Variants in GRM1 observed in about 807,000 individuals in gnomAD.
The protein encoded by GRM1 is metabotropic glutamate receptor 1.
A neutral mutation model predicts 90.9 loss-of-function variants in GRM1; 33 were observed. The observed-to-expected ratio is 0.36, with a 90% CI of 0.28 to 0.49. The LOEUF is 0.49. Ranked by LOEUF, GRM1 falls within the 20% of genes least tolerant of loss-of-function variation. GRM1 has a pLI of 0.99. For missense variants in GRM1, 1,190 were observed against 1,534.3 expected, an observed-to-expected ratio of 0.78 and a Z score of 3.75; for synonymous variants, 700 against 613.2, an observed-to-expected ratio of 1.14 and a Z score of -2.09.
chr6:146,044,668 A>G (rs999587011), intron 1 of GRM1, among the ~76,000 whole-genome samples: 18 of 152,146 alleles, frequency 1.2e-4, no homozygotes, highest in African/African-American at 4.3e-4. Context: ...TGAAACCATG[A>G]AAAGGCAAAT....
intron 2 of GRM1, among the ~76,000 whole-genome samples, chr6:146,275,605 CTT>C (rs1426641752): frequency 6.6e-6 from 1 of 151,970 alleles, no homozygotes; most frequent in Non-Finnish European, 1.5e-5. Flanking sequence ...ATAAGTTTAT[CTT>C]TAGCTCTAGC....
intron 2 of GRM1, among the ~76,000 whole-genome samples, chr6:146,270,456 T>A (rs569439275): frequency 6.6e-6 from 1 of 152,322 alleles, no homozygotes; most frequent in South Asian, 2.1e-4. Flanking sequence ...TGCTTTCAAG[T>A]GATTTTTTTC....
rs762664865 is a variant in GRM1, at chr6:146,399,400, C to A, written c.2361C>A (p.Ile787=). The A allele has an allele frequency of 1.2e-6, 2 of 1,614,160 alleles. No homozygotes were observed. The highest frequency in any genetic ancestry group is 2.7e-5 in the African/African-American group (2 of 75,036). The change falls in exon 7 of 8, where the codon ATC becomes ATA. Residue 787 remains isoleucine (I), a synonymous_variant. Coordinates refer to ENST00000282753, the MANE Select transcript of GRM1 (RefSeq NM_001278064.2). The surrounding 1 kb of genome is among the most constrained non-coding windows in gnomAD (Gnocchi z 5.4). ...CCAACTTCAACGAGGCCAAATATAT[C>A]GCGTTCACCATGTACACCACCTGTA... ...VPANFNEAKY[I]AFTMYTTCII...
intron 1 of GRM1, among the ~76,000 whole-genome samples, chr6:146,104,460 A>G (rs1159568256): frequency 1.3e-5 from 2 of 150,058 alleles, no homozygotes; most frequent in African/African-American, 5.1e-5. Context: ...AAAAAAAAAG[A>G]AAGAAGGAAT....
rs893826978 is a variant in GRM1, at chr6:146,309,267, C to T, written c.1186+4421C>T. Among the ~76,000 whole-genome samples the T allele has an allele frequency of 7.9e-5, 12 of 151,752 alleles. No individual in the cohort carries two copies. The East Asian group carries it at 2.1e-3, about 27-fold the overall frequency. On this transcript the variant is annotated intron_variant, in intron 3 of 7. Coordinates refer to ENST00000282753, the MANE Select transcript of GRM1 (RefSeq NM_001278064.2). ...TACAAAAATTAGTTGGGCTTGGTGGCGGGTGCCTATAATCCTAGCTACTCG... is the reference window on the plus strand; with the variant it reads ...TACAAAAATTAGTTGGGCTTGGTGGTGGGTGCCTATAATCCTAGCTACTCG...
Position 146,434,456 on chromosome 6 carries a change from T to G in GRM1, c.3245T>G (p.Leu1082Arg). Residue 1082 changes from leucine (L) to arginine (R), a missense_variant, in exon 8 of 8, where the codon CTG (leucine) becomes CGG (arginine). Leu to Arg is a moderately radical substitution (Grantham distance 102). Coordinates refer to ENST00000282753, the MANE Select transcript of GRM1 (RefSeq NM_001278064.2). ...CACCTGCAGATGCTGCCGCTGCAGC[T>G]GAGCACCTTTGGGGAGGAGCTGGTC... ...PQHLQMLPLQ[L>R]STFGEELVSP... 5 of 1,613,986 alleles carry G rather than the reference T, an allele frequency of 3.1e-6. No homozygotes were observed. The highest frequency in any genetic ancestry group is 4.2e-6 in the Non-Finnish European group (5 of 1,179,990).
chr6:146,204,256 C>T (rs992489039), intron 2 of GRM1, among the ~76,000 whole-genome samples: 4 of 152,274 alleles, frequency 2.6e-5, no homozygotes, highest in Admixed American at 6.5e-5. Flanking sequence ...TTTAAAAATT[C>T]GTAATAAGAC....
Position 146,270,390 on chromosome 6 carries a change from C to T in GRM1, c.951-34221C>T, listed in dbSNP as rs1005290322. Among the ~76,000 whole-genome samples the T allele has an allele frequency of 3.1e-4, 47 of 152,274 alleles. No individual in the cohort carries two copies. The Middle Eastern group carries it at 0.037, about 121-fold the overall frequency. ...TTATTAAAACTTCTTCTGCCTCAGA[C>T]AGAAGAATCTTCTACATTATGTCAG... On this transcript the variant is annotated intron_variant, in intron 2 of 7. Transcript: ENST00000282753.
intron 7 of GRM1, among the ~76,000 whole-genome samples, chr6:146,421,085 T>C (rs183757189): frequency 6.6e-6 from 1 of 152,270 alleles, no homozygotes; most frequent in East Asian, 1.9e-4. Context: ...CATACACTAG[T>C]GTAAATTGTG....
chr6:146,034,783 A>G (rs939879585), intron 1 of GRM1, among the ~76,000 whole-genome samples: 5 of 152,076 alleles, frequency 3.3e-5, no homozygotes, highest in Middle Eastern at 3.4e-3. Context: ...TCCTCTTACT[A>G]TACTACCTTG....
chr6:146,179,661 C>T (rs1259379844), intron 2 of GRM1, among the ~76,000 whole-genome samples: 15 of 152,074 alleles, frequency 9.9e-5, no homozygotes, highest in East Asian at 3.9e-4. Context: ...CTACAGGTGC[C>T]GGCCACCATG....
chr6:146,356,110 T>C (rs1785571944), intron 4 of GRM1, among the ~76,000 whole-genome samples: 1 of 152,134 alleles, frequency 6.6e-6, no homozygotes, highest in African/African-American at 2.4e-5. Context: ...GAGATATAAA[T>C]GGTTATGCCA....
At chr6:146,133,131 T>C (rs190113665) in intron 1 of GRM1, among the ~76,000 whole-genome samples, 65 of 152,306 alleles carry the variant, frequency 4.3e-4, no homozygotes, top group Non-Finnish European at 8.2e-4. Flanking sequence ...AAACTGTCCT[T>C]GGAAGAGCTA....
chr6:146,311,299 C>T (rs1783760935), intron 3 of GRM1, among the ~76,000 whole-genome samples: 1 of 152,172 alleles, frequency 6.6e-6, no homozygotes, highest in Non-Finnish European at 1.5e-5. Context: ...AACAAATACT[C>T]TCAAAATAAA....
chr6:146,197,243 A>T (rs1779153436), intron 2 of GRM1, among the ~76,000 whole-genome samples: 1 of 152,258 alleles, frequency 6.6e-6, no homozygotes, highest in African/African-American at 2.4e-5. Context: ...TAATGCCAAT[A>T]GGGCTCTGTA....
intron 1 of GRM1, among the ~76,000 whole-genome samples, chr6:146,053,924 G>T (rs1300112838): frequency 5.9e-5 from 9 of 152,026 alleles, no homozygotes; most frequent in Admixed American, 5.9e-4. Flanking sequence ...GACTTTCAAA[G>T]AAACCCTCTA....
chr6:146,196,546 C>G (rs1248726533), intron 2 of GRM1, among the ~76,000 whole-genome samples: 2 of 147,142 alleles, frequency 1.4e-5, no homozygotes, highest in African/African-American at 5.1e-5. Context: ...ACCTCATGAT[C>G]CGCCCACCTT....
chr6:146,214,070 A>C (rs1209960201), intron 2 of GRM1, among the ~76,000 whole-genome samples: 1 of 152,104 alleles, frequency 6.6e-6, no homozygotes, highest in African/African-American at 2.4e-5. Flanking sequence ...TTTTTGCTCT[A>C]TCCTGGGTCT....
At chr6:146,043,757 ACT>A (rs1173079050) in intron 1 of GRM1, among the ~76,000 whole-genome samples, 7 of 139,442 alleles carry the variant, frequency 5.0e-5, no homozygotes, top group East Asian at 2.1e-4. Flanking sequence ...AAATATCTCA[ACT>A]CTATTTTTGG....
Sources: gnomAD v4.1 joint callset for allele counts (sites outside exome capture counted in the v4.1 genomes callset) on GRCh38, gnomAD v4.1.1 for gene constraint, Gnocchi (gnomAD v3.1) non-coding constraint, MANE v1.5 for transcripts, NCBI Gene and HGNC (gene_info 2026-07-23, HGNC 2026-07-21) for gene names.